The following MAGI2 variants were observed in gnomAD, a reference collection of about 807,000 sequenced individuals.
MAGI2 encodes the protein membrane-associated guanylate kinase, WW and PDZ domain-containing protein 2.
A neutral mutation model predicts 133.3 loss-of-function variants in MAGI2; 35 were observed. The ratio of observed to expected loss-of-function variants is 0.26; its 90% confidence interval spans 0.20 to 0.35. The LOEUF (loss-of-function observed/expected upper bound fraction) is 0.35, where lower values mean the gene tolerates loss of function less well. Among genes scored for constraint, MAGI2 ranks in the 10% least tolerant of loss-of-function variants. The pLI is 1.00. For missense variants in MAGI2, 1,636 were observed against 1,863.4 expected (o/e 0.88, Z 2.25); for synonymous variants, 729 against 710.6 (o/e 1.03, Z -0.41).
At chr7:78,175,672 T>A (rs1158453261) in intron 14 of MAGI2, among the ~76,000 whole-genome samples, 1 of 152,174 alleles carries the variant, frequency 6.6e-6, no homozygotes, top group Admixed American at 6.6e-5. Flanking sequence ...GACTGTTCCC[T>A]TAGACTCTGA....
chr7:78,055,649 A>C (rs1446850816), intron 21 of MAGI2, among the ~76,000 whole-genome samples: 1 of 152,192 alleles, frequency 6.6e-6, no homozygotes, highest in Non-Finnish European at 1.5e-5. Flanking sequence ...CCCCTGGTAG[A>C]GTCCTCCTTC....
At chr7:78,112,509 C>A (rs182534532) in intron 20 of MAGI2, among the ~76,000 whole-genome samples, 1 of 152,194 alleles carries the variant, frequency 6.6e-6, no homozygotes, top group Non-Finnish European at 1.5e-5. Flanking sequence ...AAGCTGACTG[C>A]GAGTTAGACT....
At chr7:78,430,203 A>C (rs1190905698) in intron 6 of MAGI2, among the ~76,000 whole-genome samples, 1 of 146,342 alleles carries the variant, frequency 6.8e-6, no homozygotes, top group Non-Finnish European at 1.5e-5. Context: ...AAAATATTAC[A>C]ATGCTCTAAC....
intron 9 of MAGI2, among the ~76,000 whole-genome samples, chr7:78,277,146 T>C (rs111482297): frequency 6.4e-4 from 98 of 152,324 alleles, no homozygotes; most frequent in African/African-American, 1.7e-3. Context: ...AATGTTTTAG[T>C]ACCCATTTAA....
intron 2 of MAGI2, among the ~76,000 whole-genome samples, chr7:78,713,439 T>A (rs1819399420): frequency 6.6e-6 from 1 of 152,112 alleles, no homozygotes; most frequent in Admixed American, 6.6e-5. Flanking sequence ...GCACTTTGAC[T>A]AAAACTACAT....
intron 16 of MAGI2, among the ~76,000 whole-genome samples, chr7:78,138,652 C>T (rs1822425828): frequency 1.3e-5 from 2 of 151,836 alleles, no homozygotes; most frequent in East Asian, 1.9e-4. Flanking sequence ...CACACACACA[C>T]ACACACACAC....
At chr7:78,142,234 C>T (rs1822835315) in intron 16 of MAGI2, among the ~76,000 whole-genome samples, 2 of 152,134 alleles carry the variant, frequency 1.3e-5, no homozygotes, top group Non-Finnish European at 2.9e-5. Context: ...ACAAGGACCT[C>T]ACACTTTGAT....
chr7:78,923,960 T>C (rs2151640701), intron 2 of MAGI2, among the ~76,000 whole-genome samples: 1 of 152,338 alleles, frequency 6.6e-6, no homozygotes, highest in Middle Eastern at 3.4e-3. Flanking sequence ...GAAGCAATTG[T>C]GAGTGGGAGT....
intron 2 of MAGI2, among the ~76,000 whole-genome samples, chr7:78,640,640 A>G (rs1270700163): frequency 6.6e-6 from 1 of 152,224 alleles, no homozygotes; most frequent in African/African-American, 2.4e-5. Context: ...AACCAGTAGC[A>G]TCAGCCCAGC....
intron 1 of MAGI2, among the ~76,000 whole-genome samples, chr7:79,113,618 T>C (rs1819131382): frequency 6.6e-6 from 1 of 152,228 alleles, no homozygotes; most frequent in Non-Finnish European, 1.5e-5. Context: ...CAAGAGCTAC[T>C]AGCAAAGTTT....
intron 2 of MAGI2, among the ~76,000 whole-genome samples, chr7:78,699,909 A>C (rs1445525598): frequency 6.6e-6 from 1 of 152,188 alleles, no homozygotes; most frequent in African/African-American, 2.4e-5. Flanking sequence ...GCCACATGGA[A>C]ACAAAATAAT....
chr7:79,175,120 T>C (rs1825978038), intron 1 of MAGI2, among the ~76,000 whole-genome samples: 1 of 151,960 alleles, frequency 6.6e-6, no homozygotes, highest in African/African-American at 2.4e-5. Flanking sequence ...AGAAGATACA[T>C]GCTTTCATTT....
intron 10 of MAGI2, among the ~76,000 whole-genome samples, chr7:78,234,550 ATAATATAAT>A (rs1790307301): frequency 1.9e-5 from 2 of 107,120 alleles, no homozygotes. Context: ...TATATTCATT[ATAATATAAT>A]GAATATTTTT....
intron 3 of MAGI2, among the ~76,000 whole-genome samples, chr7:78,614,041 C>T (rs1806782359): frequency 6.6e-6 from 1 of 151,342 alleles, no homozygotes; most frequent in South Asian, 2.1e-4. Context: ...ACCTGGGAGG[C>T]GGAGGTTGCA....
At chr7:78,649,236 G>C in intron 2 of MAGI2, among the ~76,000 whole-genome samples, 1 of 88,164 alleles carries the variant, frequency 1.1e-5, no homozygotes, top group African/African-American at 4.8e-5. Flanking sequence ...AAAAAAAAAA[G>C]AAAAAAAAAG....
Position 78,717,275 on chromosome 7 carries a change from G to GCGCACACA in MAGI2, c.419-90037_419-90036insTGTGTGCG, listed in dbSNP as rs1819810396. 5.3e-5 allele frequency among the ~76,000 whole-genome samples: 8 copies of GCGCACACA among 150,874 alleles called. No individual in the cohort carries two copies. In the South Asian group the frequency reaches 1.7e-3, roughly 32 times the overall value. ...CATGGAAGTTATACCACACAACACAGCACACACACACACACAGAGTGAAAA... is the reference window on the plus strand; with the variant it reads ...CATGGAAGTTATACCACACAACACAGCGCACACACACACACACACACACAGAGTGAAAA... On this transcript the variant is annotated intron_variant, in intron 2 of 21. Transcript: ENST00000354212.
chr7:78,573,370 A>AAGT (rs1801918057), intron 3 of MAGI2, among the ~76,000 whole-genome samples: 1 of 10,406 alleles, frequency 9.6e-5, no homozygotes, highest in Non-Finnish European at 1.8e-4. Context: ...CTGGAAATAT[A>AAGT]TATATATATA....
chr7:78,336,740 A>AAGAAGAAAGAAGAG (rs1789805912), intron 9 of MAGI2, among the ~76,000 whole-genome samples: 1 of 152,016 alleles, frequency 6.6e-6, no homozygotes, highest in African/African-American at 2.4e-5. Flanking sequence ...AGATGATGAA[A>AAGAAGAAAGAAGAG]AGAAGAAAGA....
intron 1 of MAGI2, among the ~76,000 whole-genome samples, chr7:79,245,598 C>T (rs1832761133): frequency 6.6e-6 from 1 of 152,178 alleles, no homozygotes; most frequent in African/African-American, 2.4e-5. Context: ...GGCTTGGGTG[C>T]TAGCTCAGCT....
Sources: gnomAD v4.1 joint callset for allele counts (sites outside exome capture counted in the v4.1 genomes callset) on GRCh38, gnomAD v4.1.1 for gene constraint, MANE v1.5 for transcripts, NCBI Gene and HGNC (gene_info 2026-07-23, HGNC 2026-07-21) for gene names.